Variants in RYR2 observed in about 807,000 individuals in gnomAD.
The protein encoded by RYR2 is ryanodine receptor 2, also known as cardiac muscle ryanodine receptor-calcium release channel.
A neutral mutation model predicts 601.1 loss-of-function variants in RYR2; 227 were observed. The ratio of observed to expected loss-of-function variants is 0.38; its 90% confidence interval spans 0.34 to 0.42. RYR2 has a LOEUF of 0.42. Among genes scored for constraint, RYR2 ranks in the 10% least tolerant of loss-of-function variants. The pLI is 1.00. For synonymous variants in RYR2, 2,223 were observed against 2,175.1 expected, an observed-to-expected ratio of 1.02 and a Z score of -0.61; for missense variants, 4,646 against 6,156.5, an observed-to-expected ratio of 0.75 and a Z score of 8.21.
At chr1:237,426,444 C>CT (rs1706160674) in intron 12 of RYR2, among the ~76,000 whole-genome samples, 1 of 152,030 alleles carries the variant, frequency 6.6e-6, no homozygotes, top group African/African-American at 2.4e-5. Flanking sequence ...ACATGGGCTT[C>CT]TTTCTTAAAT....
At chr1:237,431,239 A>AT (rs1187950833) in intron 12 of RYR2, among the ~76,000 whole-genome samples, 2 of 152,280 alleles carry the variant, frequency 1.3e-5, no homozygotes, top group African/African-American at 2.4e-5. Context: ...TAGATAATAA[A>AT]TTTTTTCCCA....
Position 237,674,231 on chromosome 1 carries a change from C to A in RYR2, c.8714+12C>A. 6.3e-7 allele frequency: 1 copy of A among 1,598,282 alleles called. No homozygotes were observed. Among genetic ancestry groups the A allele is most frequent in the Non-Finnish European group, 8.6e-7 (1 of 1,166,336 alleles). On this transcript the variant is annotated intron_variant, in intron 59 of 104. Coordinates refer to ENST00000366574, the MANE Select transcript of RYR2 (RefSeq NM_001035.3). ...TATGCTGTATCCAGGTAAAAGTACA[C>A]ATACCCTAAGTACACACTCTTTTCA...
intron 1 of RYR2, among the ~76,000 whole-genome samples, chr1:237,122,508 C>T (rs547238929): frequency 6.6e-6 from 1 of 152,234 alleles, no homozygotes; most frequent in South Asian, 2.1e-4. Context: ...ATGGTGAAAC[C>T]CCGTTTCTAC....
chr1:237,582,564 G>T (rs1370027772), intron 29 of RYR2, among the ~76,000 whole-genome samples: 2 of 152,060 alleles, frequency 1.3e-5, no homozygotes, highest in East Asian at 3.9e-4. Flanking sequence ...CAATAATTTT[G>T]CAACCCTTGT....
chr1:237,269,271 A>C (rs1266094588), intron 1 of RYR2, among the ~76,000 whole-genome samples: 1 of 151,770 alleles, frequency 6.6e-6, no homozygotes, highest in Non-Finnish European at 1.5e-5. Flanking sequence ...TCGAACTCCC[A>C]ACCTCAGGTG....
intron 10 of RYR2, among the ~76,000 whole-genome samples, chr1:237,404,342 C>T (rs895148206): frequency 6.6e-6 from 1 of 152,120 alleles, no homozygotes; most frequent in Admixed American, 6.6e-5. Context: ...AATGGTGGTT[C>T]TTGCATGGTC....
intron 1 of RYR2, among the ~76,000 whole-genome samples, chr1:237,208,708 G>A (rs1176326308): frequency 6.6e-6 from 1 of 151,638 alleles, no homozygotes; most frequent in African/African-American, 2.4e-5. Flanking sequence ...TTTTTTCTGT[G>A]TGTGTGATGG....
At chr1:237,343,959 T>C (rs1698065381) in intron 3 of RYR2, among the ~76,000 whole-genome samples, 1 of 152,110 alleles carries the variant, frequency 6.6e-6, no homozygotes, top group Non-Finnish European at 1.5e-5. Flanking sequence ...TAGCTGGGAT[T>C]GCAGGCACCC....
At chr1:237,654,725 C>G (rs1320019211) in intron 52 of RYR2, among the ~76,000 whole-genome samples, 2 of 152,148 alleles carry the variant, frequency 1.3e-5, no homozygotes, top group African/African-American at 2.4e-5. Flanking sequence ...CTAGTCCCAT[C>G]TCCAATCTTA....
chr1:237,621,886 C>A (rs925341324), intron 38 of RYR2, among the ~76,000 whole-genome samples: 1 of 152,022 alleles, frequency 6.6e-6, no homozygotes, highest in Non-Finnish European at 1.5e-5. Context: ...GGATGAGGGG[C>A]AGACAGAGGG....
chr1:237,617,845 GC>G (rs1678645072), intron 38 of RYR2, among the ~76,000 whole-genome samples: 1 of 152,080 alleles, frequency 6.6e-6, no homozygotes, highest in African/African-American at 2.4e-5. Context: ...TTCCATTTGT[GC>G]CTACCATAGA....
chr1:237,777,622 G>C (rs1694770605), intron 87 of RYR2, among the ~76,000 whole-genome samples: 1 of 152,112 alleles, frequency 6.6e-6, no homozygotes. Context: ...TTTTTTCATT[G>C]GAAAGTGAAA....
At chr1:237,604,839 C>A (rs1014287467) in intron 35 of RYR2, among the ~76,000 whole-genome samples, 5 of 152,008 alleles carry the variant, frequency 3.3e-5, no homozygotes, top group African/African-American at 9.7e-5. Flanking sequence ...GGATAAATTC[C>A]TCGACACATA....
chr1:237,630,557 A>G (rs1680141644), intron 41 of RYR2, among the ~76,000 whole-genome samples: 1 of 152,170 alleles, frequency 6.6e-6, no homozygotes, highest in Admixed American at 6.5e-5. Flanking sequence ...AGTTAAAGGA[A>G]ACTAATTTGA....
rs1023948327 is a variant in RYR2, at chr1:237,833,778, A to G, written c.*1131A>G. ...GAAGCAATATCCATTCAGGGATTTCATCAGTTGCATCACAAAACACGGATG... is the reference window on the plus strand; with the variant it reads ...GAAGCAATATCCATTCAGGGATTTCGTCAGTTGCATCACAAAACACGGATG... On this transcript the variant is annotated 3_prime_UTR_variant, in exon 105 of 105. Coordinates refer to ENST00000366574, the MANE Select transcript of RYR2 (RefSeq NM_001035.3). The G allele has an allele frequency of 2.0e-5, 3 of 152,640 alleles. No homozygotes were observed. 9.5% of individuals were successfully genotyped at this position (152,640 alleles called of 1,614,324 possible).
At chr1:237,281,706 C>T (rs1690892774) in intron 2 of RYR2, among the ~76,000 whole-genome samples, 1 of 152,186 alleles carries the variant, frequency 6.6e-6, no homozygotes, top group African/African-American at 2.4e-5. Flanking sequence ...CTGGTGATGA[C>T]CCATTCTGTT....
intron 2 of RYR2, among the ~76,000 whole-genome samples, chr1:237,315,950 C>T (rs527330576): frequency 2.0e-5 from 3 of 152,050 alleles, no homozygotes; most frequent in Non-Finnish European, 4.4e-5. Context: ...TATTAAATCT[C>T]TGACAGGTCT....
intron 84 of RYR2, among the ~76,000 whole-genome samples, 154 bp downstream of exon 84, chr1:237,761,182 G>A (rs548239085): frequency 7.9e-5 from 12 of 152,104 alleles, no homozygotes; most frequent in Non-Finnish European, 1.5e-4. Flanking sequence ...GTTGGACACC[G>A]GTCACACCCT....
At chr1:237,433,034 TGG>T (rs59192841) in intron 12 of RYR2, among the ~76,000 whole-genome samples, 358 of 32,958 alleles carry the variant, frequency 0.011, 5 homozygotes, top group African/African-American at 0.028. Flanking sequence ...TGACTGTGTG[TGG>T]GGGGGGGTAT....
Sources: allele counts gnomAD v4.1 joint callset (sites outside exome capture counted in the v4.1 genomes callset), GRCh38; gene constraint gnomAD v4.1.1; transcripts MANE v1.5; gene names NCBI Gene and HGNC (gene_info 2026-07-23, HGNC 2026-07-21).